NTRK1: variants seen among roughly 807,000 people sequenced by gnomAD.
NTRK1 encodes neurotrophic receptor tyrosine kinase 1.
NTRK1 carries 62 observed loss-of-function variants against 86.8 expected under a neutral mutation model. That is an observed-to-expected ratio of 0.71 (90% CI 0.58 to 0.88). The LOEUF is 0.88. Ranked by LOEUF, NTRK1 falls within the 40% of genes least tolerant of loss-of-function variation. NTRK1 has a pLI of 0.00. For missense variants in NTRK1, 967 were observed against 1,078.4 expected (o/e 0.90, Z 1.45); for synonymous variants, 469 against 456.6 (o/e 1.03, Z -0.35).
chr1:156,818,908 C>T (rs1654105986), intron 1 of NTRK1, among the ~76,000 whole-genome samples: 1 of 152,110 alleles, frequency 6.6e-6, no homozygotes, highest in Non-Finnish European at 1.5e-5. Context: ...TACTGTTTTT[C>T]ATAGTGGTTT....
At chr1:156,850,733 T>C (rs1655178159) in intron 2 of NTRK1, among the ~76,000 whole-genome samples, 1 of 151,492 alleles carries the variant, frequency 6.6e-6, no homozygotes, top group Non-Finnish European at 1.5e-5. Context: ...TTTTTTGTAT[T>C]TTTAGTAAAG....
At chr1:156,841,625 C>T in intron 1 of NTRK1, 3 of 1,610,148 alleles carry the variant, frequency 1.9e-6, no homozygotes, top group Non-Finnish European at 2.5e-6. Context: ...CAGATCCCGC[C>T]TCCACATCCC....
Position 156,873,637 on chromosome 1 carries a change from G to T in NTRK1, c.855G>T (p.Pro285=), listed in dbSNP as rs776087801. 3 of 1,610,458 alleles carry T rather than the reference G, an allele frequency of 1.9e-6. No individual in the cohort carries two copies. Among genetic ancestry groups the T allele is most frequent in the African/African-American group, 2.7e-5 (2 of 74,884 alleles). Reference sequence around the variant, plus strand: ...GTTGCTCTTTCTGGCCCACAGTCCCGGCCAGTGTGCAGCTGCACACGGCGG... The same window carrying T: ...GTTGCTCTTTCTGGCCCACAGTCCCTGCCAGTGTGCAGCTGCACACGGCGG... ...EVSVQVNVSF[P]ASVQLHTAVE... The change falls in exon 8 of 17, where the codon CCG becomes CCT. Residue 285 remains proline, a synonymous_variant. Coordinates refer to ENST00000524377, the MANE Select transcript of NTRK1 (RefSeq NM_002529.4).
intron 16 of NTRK1, chr1:156,880,531 C>T (rs770413903): frequency 9.7e-5 from 25 of 258,562 alleles, no homozygotes; most frequent in South Asian, 3.2e-4. Flanking sequence ...TGCAGCAGGA[C>T]GGCTGGAGGT....
chr1:156,849,513 G>GGGGGGCGGGGGGGGGC, intron 2 of NTRK1: 1 of 486,118 alleles, frequency 2.1e-6, no homozygotes, highest in Non-Finnish European at 4.1e-6. Flanking sequence ...CAGGGGGTGG[G>GGGGGGCGGGGGGGGGC]AAAGGGGATG....
intron 1 of NTRK1, among the ~76,000 whole-genome samples, chr1:156,836,537 T>C (rs725424): frequency 0.74 from 112,187 of 152,072 alleles, 41,525 homozygotes; most frequent in East Asian, 0.85. Context: ...CCCTCTGTCC[T>C]TGAACCAGCC....
intron 2 of NTRK1, among the ~76,000 whole-genome samples, chr1:156,849,743 C>T (rs1024290411): frequency 1.3e-5 from 2 of 152,006 alleles, no homozygotes; most frequent in Non-Finnish European, 2.9e-5. Flanking sequence ...TCTCTTTGAA[C>T]TGAGCACCTG....
intron 1 of NTRK1, among the ~76,000 whole-genome samples, chr1:156,822,770 G>A (rs748385116): frequency 3.9e-5 from 6 of 152,064 alleles, no homozygotes; most frequent in African/African-American, 4.8e-5. Flanking sequence ...CCAGACCTTC[G>A]TTGCTAAAAG....
At chr1:156,822,424 G>A (rs1213189651) in intron 1 of NTRK1, among the ~76,000 whole-genome samples, 9 of 151,994 alleles carry the variant, frequency 5.9e-5, no homozygotes, top group African/African-American at 2.2e-4. Flanking sequence ...AGCCAGATAT[G>A]GTGGTGTGCT....
chr1:156,880,371 G>A (rs975158979), intron 16 of NTRK1: 10 of 606,818 alleles, frequency 1.6e-5, no homozygotes, highest in Non-Finnish European at 2.3e-5. Context: ...CTAAGCCCAG[G>A]CCCAGTTGGC....
chr1:156,845,151 GGAT>G, intron 2 of NTRK1: 1 of 1,611,852 alleles, frequency 6.2e-7, no homozygotes, highest in East Asian at 2.2e-5. Flanking sequence ...TTGCAGGCAT[GGAT>G]GTCGATCCGG....
chr1:156,870,087 A>G (rs1647466814), intron 6 of NTRK1, among the ~76,000 whole-genome samples: 1 of 152,324 alleles, frequency 6.6e-6, no homozygotes. Flanking sequence ...TGCTCCAGAG[A>G]GCAAAGCTGC....
chr1:156,853,454 AC>A (rs1208209996), intron 2 of NTRK1, among the ~76,000 whole-genome samples: 2 of 152,196 alleles, frequency 1.3e-5, no homozygotes, highest in African/African-American at 2.4e-5. Flanking sequence ...ACTGCCCCAC[AC>A]TGCTTCTTGC....
intron 1 of NTRK1, among the ~76,000 whole-genome samples, chr1:156,817,873 C>T (rs1006795471): frequency 6.6e-6 from 1 of 152,088 alleles, no homozygotes; most frequent in Non-Finnish European, 1.5e-5. Context: ...GAACTCCTGG[C>T]GTCAAGTGAT....
chr1:156,849,072 G>T, intron 2 of NTRK1: 3 of 1,604,620 alleles, frequency 1.9e-6, no homozygotes, highest in Non-Finnish European at 2.6e-6. Context: ...GGGCCTGCTC[G>T]CAACCGCGCC....
chr1:156,869,018 CCCTTCCTTCCTTCCTTCCTTCCTTCCTT>C (rs773795513), intron 6 of NTRK1, among the ~76,000 whole-genome samples: 2 of 43,562 alleles, frequency 4.6e-5, no homozygotes, highest in East Asian at 5.4e-4. Flanking sequence ...TTTTCTCTCT[CCCTTCCTTCCTTCCTTCCTTCCTTCCTT>C]CCTTCCTTCC....
intron 1 of NTRK1, among the ~76,000 whole-genome samples, chr1:156,816,330 A>G (rs1385418048): frequency 6.6e-6 from 1 of 152,134 alleles, no homozygotes; most frequent in Non-Finnish European, 1.5e-5. Flanking sequence ...CTAGAAGGAG[A>G]GGCTGGGAGT....
chr1:156,843,589 C>A, intron 2 of NTRK1: 2 of 1,150,278 alleles, frequency 1.7e-6, no homozygotes, highest in East Asian at 2.3e-5. Context: ...ACTGACCACA[C>A]CCCCAGCCTT....
intron 3 of NTRK1, among the ~76,000 whole-genome samples, chr1:156,865,563 C>A (rs530178155): frequency 2.6e-5 from 4 of 152,142 alleles, no homozygotes; most frequent in Admixed American, 6.5e-5. Flanking sequence ...GTTTATAGCC[C>A]CTCTTCCTTG....
Sources: gnomAD v4.1 joint callset for allele counts (sites outside exome capture counted in the v4.1 genomes callset) on GRCh38, gnomAD v4.1.1 for gene constraint, MANE v1.5 for transcripts, NCBI Gene and HGNC (gene_info 2026-07-23, HGNC 2026-07-21) for gene names.